The following ARVCF variants were observed in gnomAD, a reference collection of about 807,000 sequenced individuals.
ARVCF encodes splicing regulator ARVCF.
In ARVCF, 66 loss-of-function variants were observed where a neutral mutation model predicts 90.9. That is an observed-to-expected ratio of 0.73 (90% CI 0.60 to 0.89). The LOEUF (loss-of-function observed/expected upper bound fraction) is 0.89, where lower values mean the gene tolerates loss of function less well. Among genes scored for constraint, ARVCF ranks in the 40% least tolerant of loss-of-function variants. The pLI, the probability that ARVCF is intolerant of heterozygous loss-of-function variation, is 0.00. For missense variants in ARVCF, 1,469 were observed against 1,382.3 expected, an observed-to-expected ratio of 1.06 and a Z score of -1.00; for synonymous variants, 653 against 603.4, an observed-to-expected ratio of 1.08 and a Z score of -1.21.
At chr22:19,995,044 G>A (rs1944192566) in intron 2 of ARVCF, among the ~76,000 whole-genome samples, 1 of 151,960 alleles carries the variant, frequency 6.6e-6, no homozygotes, top group Non-Finnish European at 1.5e-5. Flanking sequence ...TGGATGATTG[G>A]ATGGGTTTAC....
In ARVCF at chr22:19,972,871, G is replaced by A. The variant is rs758373; in HGVS notation, c.2551-44C>T. The A allele has an allele frequency of 0.069, 110,947 of 1,613,570 alleles. 7,817 individuals are homozygous for A. The highest frequency in any genetic ancestry group is 0.36 in the African/African-American group (27,199 of 74,972). On this transcript the variant is annotated intron_variant, in intron 15 of 19. Coordinates refer to ENST00000263207, the MANE Select transcript of ARVCF (RefSeq NM_001670.3). ...ACACAGGGTGGGTGAAGCACATGGA[G>A]TGGGAATAAGGCAAAGTGAGCAGGG... is the stretch of plus-strand genomic sequence containing the variant.
In ARVCF at chr22:19,970,582, TG is replaced by T; in HGVS notation, c.*173del. 2.8e-6 allele frequency: 1 copy of T among 352,486 alleles called. No individual in the cohort carries two copies. The highest frequency in any genetic ancestry group is 4.6e-6 in the Non-Finnish European group (1 of 218,054). 21.8% of individuals were successfully genotyped at this position (352,486 alleles called of 1,614,324 possible). A position where few individuals can be genotyped will look rare whatever the true frequency, so the allele number is the denominator to read the frequency against. ...AGGGAGTTAGGTAGGATGGGGGGAGTGGGGTGGGGGGGCAGGAGGGTGTCCC... is the reference window on the plus strand; with the variant it reads ...AGGGAGTTAGGTAGGATGGGGGGAGTGGGTGGGGGGGCAGGAGGGTGTCCC... On this transcript the variant is annotated 3_prime_UTR_variant, in exon 20 of 20. Coordinates refer to ENST00000263207, the MANE Select transcript of ARVCF (RefSeq NM_001670.3).
At chr22:20,000,271 C>T (rs985007915) in intron 2 of ARVCF, among the ~76,000 whole-genome samples, 2 of 152,224 alleles carry the variant, frequency 1.3e-5, no homozygotes, top group Non-Finnish European at 2.9e-5. Context: ...CCTGGGGCAC[C>T]GCTCATCCCT....
At chr22:19,990,231 G>A (rs1477067936) in intron 3 of ARVCF, among the ~76,000 whole-genome samples, 1 of 152,190 alleles carries the variant, frequency 6.6e-6, no homozygotes, top group Non-Finnish European at 1.5e-5. Flanking sequence ...ACCCACCAGT[G>A]CATGCAATGA....
intron 10 of ARVCF, 113 bp from the exon 11 acceptor site, chr22:19,975,870 C>G: frequency 1.9e-6 from 2 of 1,047,892 alleles, no homozygotes; most frequent in Middle Eastern, 2.0e-4. Context: ...CCCCCATGTC[C>G]AGGCCTGGGC....
chr22:19,966,602 G>A (rs1384593778), downstream of ARVCF, among the ~76,000 whole-genome samples: 2 of 151,772 alleles, frequency 1.3e-5, no homozygotes, highest in Admixed American at 6.6e-5. Flanking sequence ...CACTACACCT[G>A]GCTAATTTAA....
intron 3 of ARVCF, among the ~76,000 whole-genome samples, chr22:19,982,583 G>A (rs905317509): frequency 1.1e-4 from 17 of 152,164 alleles, no homozygotes; most frequent in Admixed American, 3.9e-4. Context: ...CTTGAGTATA[G>A]AAGCCTTGTG....
intron 2 of ARVCF, among the ~76,000 whole-genome samples, chr22:19,993,342 A>G (rs1199033706): frequency 6.6e-6 from 1 of 152,216 alleles, no homozygotes; most frequent in Non-Finnish European, 1.5e-5. Context: ...TGCTTTTCAG[A>G]TGGTAACTCA....
At chr22:19,995,049 G>A (rs1447554872) in intron 2 of ARVCF, among the ~76,000 whole-genome samples, 1 of 151,706 alleles carries the variant, frequency 6.6e-6, no homozygotes, top group Non-Finnish European at 1.5e-5. Context: ...GATTGGATGG[G>A]TTTACAGATG....
intron 10 of ARVCF, 30 bp downstream of exon 10, chr22:19,976,676 G>A (rs776165911): frequency 2.6e-6 from 4 of 1,554,020 alleles, no homozygotes; most frequent in East Asian, 4.8e-5. Flanking sequence ...CACACGCCAG[G>A]CCTGGAGAGC....
At chr22:19,979,484 C>T (rs1943357079) in intron 6 of ARVCF, 1 of 587,784 alleles carries the variant, frequency 1.7e-6, no homozygotes, top group Non-Finnish European at 2.9e-6. Context: ...TCTGTGGGGG[C>T]AGGAGGTGTG....
chr22:19,986,780 G>A lies in ARVCF; in HGVS notation c.210+3805C>T, dbSNP rs927062943. On this transcript the variant is annotated intron_variant, in intron 3 of 19. Transcript: ENST00000263207. ...TGGCCAAGAAGCGTCCATCCGGTCC[G>A]GGCCGGTGCCAAGAGGAGGGTCAAA... is the stretch of plus-strand genomic sequence containing the variant. 8.1e-6 allele frequency: 3 copies of A among 368,928 alleles called. No individual in the cohort carries two copies. In the East Asian group the frequency reaches 1.3e-4, roughly 16 times the overall value. 22.9% of individuals were successfully genotyped at this position (368,928 alleles called of 1,614,324 possible). A position where few individuals can be genotyped will look rare whatever the true frequency, so the allele number is the denominator to read the frequency against.
chr22:19,999,925 G>T (rs887895249), intron 2 of ARVCF, among the ~76,000 whole-genome samples: 1 of 152,154 alleles, frequency 6.6e-6, no homozygotes. Context: ...CTAGAACAAG[G>T]GGACAAAGTC....
At chr22:20,004,730 G>A (rs930732447) in intron 2 of ARVCF, among the ~76,000 whole-genome samples, 1 of 152,112 alleles carries the variant, frequency 6.6e-6, no homozygotes, top group African/African-American at 2.4e-5. Context: ...ACAGAGCCCA[G>A]AAACAAACCC....
intron 8 of ARVCF, 22 bp downstream of exon 8, chr22:19,977,936 G>A (rs770841385): frequency 4.7e-5 from 75 of 1,586,116 alleles, no homozygotes; most frequent in Middle Eastern, 3.3e-4. Flanking sequence ...CTTGGTATGA[G>A]GCTGTGACCG....
At chr22:19,970,892 A>C in intron 19 of ARVCF, 149 bp from the exon 20 acceptor site, 1 of 1,111,308 alleles carries the variant, frequency 9.0e-7, no homozygotes, top group Non-Finnish European at 1.2e-6. Flanking sequence ...GCTGACCCCA[A>C]GGGTCTTGGC....
chr22:20,004,628 C>G (rs991327437), intron 2 of ARVCF, among the ~76,000 whole-genome samples: 2 of 152,202 alleles, frequency 1.3e-5, no homozygotes, highest in African/African-American at 4.8e-5. Flanking sequence ...AGGACTCACA[C>G]TTCCTGATTT....
chr22:19,980,294 G>A (rs757792873), intron 5 of ARVCF, 52 bp from the exon 6 acceptor site: 14 of 1,485,606 alleles, frequency 9.4e-6, no homozygotes, highest in East Asian at 4.7e-5. Context: ...CGCCAGCCCT[G>A]CCTCTGAGCT....
chr22:20,003,264 G>T (rs908011105), intron 2 of ARVCF, among the ~76,000 whole-genome samples: 22 of 152,126 alleles, frequency 1.4e-4, no homozygotes, highest in African/African-American at 5.3e-4. Context: ...GGTTTCACTG[G>T]TGTATTCTAC....
Sources: allele counts gnomAD v4.1 joint callset (sites outside exome capture counted in the v4.1 genomes callset), GRCh38; gene constraint gnomAD v4.1.1; transcripts MANE v1.5; gene names NCBI Gene and HGNC (gene_info 2026-07-23, HGNC 2026-07-21).